Variants in DPYD observed in about 807,000 individuals in gnomAD.
The protein encoded by DPYD is dihydropyrimidine dehydrogenase [NADP(+)].
A neutral mutation model predicts 116.2 loss-of-function variants in DPYD; 109 were observed. The observed-to-expected ratio is 0.94, with a 90% CI of 0.80 to 1.10. The LOEUF (loss-of-function observed/expected upper bound fraction) is 1.10, where lower values mean the gene tolerates loss of function less well. DPYD is among the 50% of genes least tolerant of loss of function. The pLI, the probability that DPYD is intolerant of heterozygous loss-of-function variation, is 0.00. For missense variants in DPYD, 1,302 were observed against 1,254.5 expected (o/e 1.04, Z -0.57); for synonymous variants, 440 against 432.0 (o/e 1.02, Z -0.23).
intron 18 of DPYD, among the ~76,000 whole-genome samples, chr1:97,301,549 A>G (rs980988414): frequency 3.9e-5 from 6 of 152,052 alleles, no homozygotes; most frequent in Non-Finnish European, 8.8e-5. Flanking sequence ...AGTGCAACAC[A>G]CAAAATATAT....
intron 14 of DPYD, among the ~76,000 whole-genome samples, chr1:97,386,661 A>C (rs940873886): frequency 2.6e-5 from 4 of 152,178 alleles, no homozygotes; most frequent in Non-Finnish European, 5.9e-5. Context: ...AAATTTCAGG[A>C]AAAATGACTT....
intron 3 of DPYD, among the ~76,000 whole-genome samples, chr1:97,827,480 T>G (rs1306089449): frequency 6.6e-6 from 1 of 152,144 alleles, no homozygotes; most frequent in East Asian, 1.9e-4. Context: ...TCTGATCAAA[T>G]AGATTTGAAA....
At chr1:97,657,203 A>G (rs1183279210) in intron 8 of DPYD, among the ~76,000 whole-genome samples, 1 of 151,922 alleles carries the variant, frequency 6.6e-6, no homozygotes, top group Non-Finnish European at 1.5e-5. Flanking sequence ...TCTCAACCTC[A>G]GGTAATCCAC....
At chr1:97,420,905 C>T (rs558772372) in intron 14 of DPYD, among the ~76,000 whole-genome samples, 22 of 152,272 alleles carry the variant, frequency 1.4e-4, no homozygotes, top group South Asian at 1.2e-3. Context: ...ATACTCTGAA[C>T]TACTATGTGA....
chr1:97,879,945 C>T (rs1672114384), intron 2 of DPYD, among the ~76,000 whole-genome samples: 1 of 151,590 alleles, frequency 6.6e-6, no homozygotes, highest in Non-Finnish European at 1.5e-5. Flanking sequence ...TCAAGAAAAA[C>T]TTCTATAATT....
chr1:97,123,745 T>G (rs1250962146), intron 20 of DPYD, among the ~76,000 whole-genome samples: 1 of 152,186 alleles, frequency 6.6e-6, no homozygotes, highest in Non-Finnish European at 1.5e-5. Context: ...CAAATTTATT[T>G]TATAGTCTAT....
chr1:97,583,650 C>CTTTTT (rs375866957), intron 10 of DPYD, among the ~76,000 whole-genome samples: 1 of 132,532 alleles, frequency 7.5e-6, no homozygotes, highest in Non-Finnish European at 1.6e-5. Flanking sequence ...CTCGTATTTC[C>CTTTTT]TTTTTTTTTT....
intron 16 of DPYD, among the ~76,000 whole-genome samples, chr1:97,371,520 G>A (rs1671311514): frequency 6.6e-6 from 1 of 152,184 alleles, no homozygotes; most frequent in African/African-American, 2.4e-5. Flanking sequence ...GGGAATAGGA[G>A]GCAGAGAAGG....
chr1:97,419,884 C>T (rs1674488927), intron 14 of DPYD: 1 of 152,160 alleles, frequency 6.6e-6, no homozygotes, highest in South Asian at 2.1e-4. Flanking sequence ...ATTTATAATC[C>T]TACTAACAGA....
chr1:97,738,078 A>T (rs2101064718), intron 4 of DPYD, among the ~76,000 whole-genome samples: 1 of 152,312 alleles, frequency 6.6e-6, no homozygotes, highest in Admixed American at 6.5e-5. Context: ...TAAAAGTTTT[A>T]AGGAGAATAT....
intron 14 of DPYD, among the ~76,000 whole-genome samples, chr1:97,388,507 G>GA: frequency 6.6e-6 from 1 of 152,212 alleles, no homozygotes; most frequent in South Asian, 2.1e-4. Flanking sequence ...CCAAGAGAAG[G>GA]AAGTGTTCCA....
At chr1:97,199,747 T>A (rs1659076571) in intron 19 of DPYD, among the ~76,000 whole-genome samples, 1 of 152,102 alleles carries the variant, frequency 6.6e-6, no homozygotes, top group African/African-American at 2.4e-5. Flanking sequence ...GATTCCCTTC[T>A]CCCTCCTTTA....
intron 10 of DPYD, among the ~76,000 whole-genome samples, chr1:97,577,411 C>T (rs557969171): frequency 2.0e-5 from 3 of 152,282 alleles, no homozygotes; most frequent in Non-Finnish European, 4.4e-5. Context: ...CAATGCTTGA[C>T]GTCCTGGAAC....
chr1:97,145,344 C>T (rs1329053868), intron 20 of DPYD, among the ~76,000 whole-genome samples: 1 of 152,116 alleles, frequency 6.6e-6, no homozygotes. Context: ...GGGAGACACT[C>T]ACTTAGCCTC....
chr1:97,436,141 C>G (rs1675458616), intron 14 of DPYD, among the ~76,000 whole-genome samples: 1 of 151,930 alleles, frequency 6.6e-6, no homozygotes. Flanking sequence ...CTTTCTCCTT[C>G]TTTCCCCAGC....
chr1:97,730,190 T>A (rs1309548118), intron 4 of DPYD, among the ~76,000 whole-genome samples: 1 of 152,124 alleles, frequency 6.6e-6, no homozygotes, highest in Non-Finnish European at 1.5e-5. Flanking sequence ...GGCAACTACA[T>A]ATATAATACT....
chr1:97,173,221 C>CGCGCACACATATAT (rs1557911269), intron 20 of DPYD, among the ~76,000 whole-genome samples: 14 of 123,742 alleles, frequency 1.1e-4, no homozygotes, highest in South Asian at 2.3e-4. Flanking sequence ...TACACATATA[C>CGCGCACACATATAT]GTACATATAT....
At chr1:97,332,051 G>A (rs1371332583) in intron 16 of DPYD, among the ~76,000 whole-genome samples, 1 of 152,122 alleles carries the variant, frequency 6.6e-6, no homozygotes, top group Non-Finnish European at 1.5e-5. Context: ...GATGCTATTA[G>A]TTGATCATTG....
At chr1:97,323,291 T>TATGTGTATATGTACACGTATATATAC (rs1668430763) in intron 16 of DPYD, among the ~76,000 whole-genome samples, 1 of 147,962 alleles carries the variant, frequency 6.8e-6, no homozygotes, top group Non-Finnish European at 1.5e-5. Context: ...TATATATACA[T>TATGTGTATATGTACACGTATATATAC]ATGTGTATAT....
Sources: gnomAD v4.1 joint callset for allele counts (sites outside exome capture counted in the v4.1 genomes callset) on GRCh38, gnomAD v4.1.1 for gene constraint, MANE v1.5 for transcripts, NCBI Gene and HGNC (gene_info 2026-07-23, HGNC 2026-07-21) for gene names.